ANGPT1: variants seen among roughly 807,000 people sequenced by gnomAD.
ANGPT1 encodes the protein angiopoietin 1.
A neutral mutation model predicts 62.2 loss-of-function variants in ANGPT1; 17 were observed. That is an observed-to-expected ratio of 0.27 (90% CI 0.19 to 0.41). ANGPT1 has a LOEUF of 0.41. Among genes scored for constraint, ANGPT1 ranks in the 10% least tolerant of loss-of-function variants. ANGPT1 has a pLI of 1.00. For synonymous variants in ANGPT1, 199 were observed against 198.9 expected (o/e 1.00, Z 0.00); for missense variants, 478 against 594.9 (o/e 0.80, Z 2.04).
chr8:107,457,947 G>T (rs1811966649), intron 1 of ANGPT1, among the ~76,000 whole-genome samples: 1 of 151,586 alleles, frequency 6.6e-6, no homozygotes, highest in African/African-American at 2.4e-5. Flanking sequence ...TAAGCAAACT[G>T]TTCCAGTTCC....
chr8:107,332,008 C>T (rs1200287942), intron 3 of ANGPT1, among the ~76,000 whole-genome samples: 1 of 152,050 alleles, frequency 6.6e-6, no homozygotes, highest in Non-Finnish European at 1.5e-5. Flanking sequence ...CAGAGATGGG[C>T]GGGTGCTGGG....
intron 7 of ANGPT1, among the ~76,000 whole-genome samples, chr8:107,277,670 C>T (rs1813897179): frequency 6.6e-6 from 1 of 152,140 alleles, no homozygotes; most frequent in Non-Finnish European, 1.5e-5. Context: ...TCTTTTGTGC[C>T]TTTGGATGTG....
intron 1 of ANGPT1, among the ~76,000 whole-genome samples, chr8:107,394,215 G>T (rs1816890965): frequency 6.6e-6 from 1 of 152,166 alleles, no homozygotes; most frequent in Admixed American, 6.5e-5. Context: ...TTTAGTTATG[G>T]TTGGCAGAAC....
At chr8:107,260,248 C>G (rs959008193) in intron 8 of ANGPT1, among the ~76,000 whole-genome samples, 1 of 152,014 alleles carries the variant, frequency 6.6e-6, no homozygotes, top group Non-Finnish European at 1.5e-5. Flanking sequence ...AGCTAGAATT[C>G]CTCTATGTAC....
At chr8:107,428,264 G>T (rs1026812117) in intron 1 of ANGPT1, among the ~76,000 whole-genome samples, 2 of 152,132 alleles carry the variant, frequency 1.3e-5, no homozygotes, top group Non-Finnish European at 2.9e-5. Context: ...CAGTATACAT[G>T]AATTCAGTTC....
chr8:107,272,902 A>C (rs1339486527), intron 7 of ANGPT1, among the ~76,000 whole-genome samples: 1 of 151,528 alleles, frequency 6.6e-6, no homozygotes, highest in Non-Finnish European at 1.5e-5. Flanking sequence ...AAAAAAAAAA[A>C]ACTGAGTGCC....
intron 4 of ANGPT1, among the ~76,000 whole-genome samples, chr8:107,317,999 A>G (rs1815060465): frequency 6.6e-6 from 1 of 152,222 alleles, no homozygotes; most frequent in Non-Finnish European, 1.5e-5. Flanking sequence ...CCTTGTTTGT[A>G]TGCCTTATTA....
At chr8:107,459,696 G>A (rs542288113) in intron 1 of ANGPT1, among the ~76,000 whole-genome samples, 1 of 152,028 alleles carries the variant, frequency 6.6e-6, no homozygotes, top group South Asian at 2.1e-4. Context: ...TCGGTACATG[G>A]TCCAACATGT....
chr8:107,271,905 A>T (rs1309235383), intron 7 of ANGPT1, among the ~76,000 whole-genome samples: 2 of 18,634 alleles, frequency 1.1e-4, no homozygotes, highest in African/African-American at 2.8e-4. Context: ...TGATACTGGT[A>T]AAAAAAAAAA....
At chr8:107,485,259 G>A (rs1812785644) in intron 1 of ANGPT1, among the ~76,000 whole-genome samples, 1 of 152,208 alleles carries the variant, frequency 6.6e-6, no homozygotes, top group South Asian at 2.1e-4. Flanking sequence ...GGTCAAGCAA[G>A]TGAATATGCG....
chr8:107,491,366 G>A (rs185824125), intron 1 of ANGPT1, among the ~76,000 whole-genome samples: 6 of 152,194 alleles, frequency 3.9e-5, no homozygotes, highest in South Asian at 2.1e-4. Context: ...CTTAGTAGGC[G>A]GAGATAGAAT....
chr8:107,431,552 G>A (rs1811188089), intron 1 of ANGPT1, among the ~76,000 whole-genome samples: 1 of 152,134 alleles, frequency 6.6e-6, no homozygotes, highest in Non-Finnish European at 1.5e-5. Flanking sequence ...CCCTCTTCCA[G>A]GAATGTCTTC....
intron 6 of ANGPT1, among the ~76,000 whole-genome samples, chr8:107,290,958 G>A (rs1814258693): frequency 6.6e-6 from 1 of 152,160 alleles, no homozygotes; most frequent in Admixed American, 6.5e-5. Flanking sequence ...GGCAGCAGAT[G>A]TTTACAGTTA....
chr8:107,337,249 T>C (rs1174029885), intron 2 of ANGPT1, among the ~76,000 whole-genome samples: 1 of 151,986 alleles, frequency 6.6e-6, no homozygotes, highest in African/African-American at 2.4e-5. Context: ...AGACGGTGAG[T>C]CAAACCAATC....
chr8:107,261,857 TA>T (rs1813500107), intron 8 of ANGPT1, among the ~76,000 whole-genome samples: 1 of 151,936 alleles, frequency 6.6e-6, no homozygotes, highest in African/African-American at 2.4e-5. Context: ...GATTTGGTGA[TA>T]ATAGTAATAG....
At chr8:107,278,507 A>G (rs916785192) in intron 7 of ANGPT1, among the ~76,000 whole-genome samples, 2 of 152,212 alleles carry the variant, frequency 1.3e-5, no homozygotes, top group East Asian at 1.9e-4. Context: ...CATAAAAGTA[A>G]TATCAACTTG....
chr8:107,353,014 A>G (rs530609121), intron 1 of ANGPT1, among the ~76,000 whole-genome samples: 2 of 152,140 alleles, frequency 1.3e-5, no homozygotes, highest in Non-Finnish European at 2.9e-5. Flanking sequence ...AGGGATTTCT[A>G]TTATTAGATC....
At chr8:107,302,415 T>C (rs1474931664) in intron 5 of ANGPT1, among the ~76,000 whole-genome samples, 1 of 151,934 alleles carries the variant, frequency 6.6e-6, no homozygotes, top group Non-Finnish European at 1.5e-5. Context: ...TTCAGCTGTC[T>C]CACCTCAAAA....
At chr8:107,456,025 G>C (rs559288464) in intron 1 of ANGPT1, among the ~76,000 whole-genome samples, 1 of 152,104 alleles carries the variant, frequency 6.6e-6, no homozygotes, top group East Asian at 1.9e-4. Flanking sequence ...CGGAGATCTG[G>C]TATATGTATC....
Sources: allele counts gnomAD v4.1 joint callset (sites outside exome capture counted in the v4.1 genomes callset), GRCh38; gene constraint gnomAD v4.1.1; transcripts MANE v1.5; gene names NCBI Gene and HGNC (gene_info 2026-07-23, HGNC 2026-07-21).